Variants in SRBD1 observed in about 807,000 individuals in gnomAD.
The protein encoded by SRBD1 is S1 RNA binding domain 1.
A neutral mutation model predicts 115.3 loss-of-function variants in SRBD1; 88 were observed. The observed-to-expected ratio is 0.76, with a 90% CI of 0.64 to 0.91. The LOEUF is 0.91. Among genes scored for constraint, SRBD1 ranks in the 40% least tolerant of loss-of-function variants. SRBD1 has a pLI of 0.00. For synonymous variants in SRBD1, 509 were observed against 407.7 expected, an observed-to-expected ratio of 1.25 and a Z score of -2.99; for missense variants, 1,385 against 1,177.4, an observed-to-expected ratio of 1.18 and a Z score of -2.58.
At chr2:45,432,641 G>A (rs907528857) in intron 16 of SRBD1, among the ~76,000 whole-genome samples, 6 of 152,326 alleles carry the variant, frequency 3.9e-5, no homozygotes, top group Non-Finnish European at 8.8e-5. Context: ...AGGGCTAACA[G>A]TGCCAATAAT....
chr2:45,518,734 A>C (rs1002473720), intron 14 of SRBD1, among the ~76,000 whole-genome samples: 4 of 152,130 alleles, frequency 2.6e-5, no homozygotes, highest in African/African-American at 9.7e-5. Context: ...ACAACCTATA[A>C]ATTTTCTATA....
In SRBD1 at chr2:45,553,696, T is replaced by C. The variant is rs759367613; in HGVS notation, c.1444A>G (p.Met482Val). 7 of 1,607,998 alleles carry C rather than the reference T, an allele frequency of 4.4e-6. No homozygotes were observed. The South Asian group carries it at 6.7e-5, about 15-fold the overall frequency. Residue 482 changes from methionine to valine, a missense_variant, in exon 11 of 21, where the codon ATG (methionine) becomes GTG (valine). Physicochemically the swap from Met to Val is conservative, Grantham distance 21. Coordinates refer to ENST00000263736, the MANE Select transcript of SRBD1 (RefSeq NM_018079.5). ...RPRSFARPEL[M>V]KILYNSLNDS... The stretch of plus-strand genomic sequence containing the variant: ...TTCAGTGAATTATATAAGATCTTCA[T>C]TAACTCTGGCCTTGCAAAGCTACGT...
chr2:45,605,302 A>C, intron 2 of SRBD1, 60 bp downstream of exon 2: 1 of 1,511,784 alleles, frequency 6.6e-7, no homozygotes, highest in South Asian at 1.2e-5. Flanking sequence ...GACAGAATGC[A>C]TTACTCCTTA....
chr2:45,440,444 C>G (rs796867260), intron 16 of SRBD1, among the ~76,000 whole-genome samples: 10 of 152,120 alleles, frequency 6.6e-5, no homozygotes, highest in Non-Finnish European at 4.4e-5. Flanking sequence ...CAAACCAGTA[C>G]CTTGCACTAT....
At chr2:45,459,126 T>G (rs1290970413) in intron 16 of SRBD1, among the ~76,000 whole-genome samples, 1 of 152,084 alleles carries the variant, frequency 6.6e-6, no homozygotes, top group African/African-American at 2.4e-5. Context: ...CACTCCCACC[T>G]CCAAAATACT....
intron 19 of SRBD1, among the ~76,000 whole-genome samples, chr2:45,405,830 G>T (rs1171017019): frequency 6.6e-6 from 1 of 152,040 alleles, no homozygotes; most frequent in Non-Finnish European, 1.5e-5. Context: ...GTAAAGGACT[G>T]GGAGAAAGCA....
intron 14 of SRBD1, among the ~76,000 whole-genome samples, chr2:45,544,320 G>C (rs939143070): frequency 7.9e-5 from 12 of 151,414 alleles, no homozygotes; most frequent in African/African-American, 2.9e-4. Flanking sequence ...ACTACAAATA[G>C]CCTTAAAAAT....
At chr2:45,520,536 A>C (rs1671251050) in intron 14 of SRBD1, among the ~76,000 whole-genome samples, 1 of 152,230 alleles carries the variant, frequency 6.6e-6, no homozygotes, top group Non-Finnish European at 1.5e-5. Flanking sequence ...GGCCCTAGTG[A>C]GATACAGGCA....
chr2:45,558,365 T>G (rs1672550258), intron 10 of SRBD1, among the ~76,000 whole-genome samples: 1 of 152,194 alleles, frequency 6.6e-6, no homozygotes, highest in Non-Finnish European at 1.5e-5. Context: ...AGAGAGCAAA[T>G]GCAGAAACTT....
At chr2:45,511,583 G>T (rs892298087) in intron 14 of SRBD1, among the ~76,000 whole-genome samples, 1 of 152,168 alleles carries the variant, frequency 6.6e-6, no homozygotes, top group Admixed American at 6.5e-5. Context: ...TTTACGGTTT[G>T]GCAAAAATCA....
chr2:45,428,091 T>G (rs935101459), intron 16 of SRBD1, among the ~76,000 whole-genome samples: 3 of 152,148 alleles, frequency 2.0e-5, no homozygotes, highest in Non-Finnish European at 4.4e-5. Context: ...ATTGACCACA[T>G]AGTTGGAAGT....
At chr2:45,571,025 G>C (rs573026491) in intron 9 of SRBD1, among the ~76,000 whole-genome samples, 1 of 152,240 alleles carries the variant, frequency 6.6e-6, no homozygotes, top group African/African-American at 2.4e-5. Context: ...AGATATTTGA[G>C]GGAAAAGGGG....
chr2:45,521,292 C>CAA (rs796150157), intron 14 of SRBD1, among the ~76,000 whole-genome samples: 11 of 123,866 alleles, frequency 8.9e-5, no homozygotes, highest in African/African-American at 4.9e-4. Context: ...GGAAAACACA[C>CAA]ACACACACAC....
At chr2:45,517,820 T>A (rs934179963) in intron 14 of SRBD1, among the ~76,000 whole-genome samples, 3 of 151,858 alleles carry the variant, frequency 2.0e-5, no homozygotes, top group African/African-American at 4.8e-5. Flanking sequence ...CATAGCAAGA[T>A]CTTGTCTGTA....
At chr2:45,478,713 T>C (rs1243783548) in intron 15 of SRBD1, among the ~76,000 whole-genome samples, 1 of 152,206 alleles carries the variant, frequency 6.6e-6, no homozygotes. Context: ...CATTTAAATG[T>C]GTAATGCAAT....
At chr2:45,531,810 T>A (rs1671621111) in intron 14 of SRBD1, among the ~76,000 whole-genome samples, 1 of 151,814 alleles carries the variant, frequency 6.6e-6, no homozygotes, top group African/African-American at 2.4e-5. Context: ...TTTTCCTTTG[T>A]TCTTTCTTCA....
chr2:45,548,254 C>T (rs1000421517), intron 12 of SRBD1, among the ~76,000 whole-genome samples: 40 of 151,322 alleles, frequency 2.6e-4, no homozygotes, highest in African/African-American at 8.7e-4. Context: ...CAAAAATTAA[C>T]AGAAAAAAAT....
intron 19 of SRBD1, among the ~76,000 whole-genome samples, chr2:45,407,883 A>G (rs1204242674): frequency 6.6e-6 from 1 of 151,984 alleles, no homozygotes; most frequent in African/African-American, 2.4e-5. Flanking sequence ...AAAAAATTAT[A>G]TAAATAATAA....
intron 9 of SRBD1, among the ~76,000 whole-genome samples, chr2:45,564,077 TAAG>T (rs1324802291): frequency 2.0e-5 from 3 of 152,022 alleles, no homozygotes; most frequent in Admixed American, 6.5e-5. Flanking sequence ...CAGAAATATA[TAAG>T]AAGGATTATA....
Sources: allele counts gnomAD v4.1 joint callset (sites outside exome capture counted in the v4.1 genomes callset), GRCh38; gene constraint gnomAD v4.1.1; transcripts MANE v1.5; gene names NCBI Gene and HGNC (gene_info 2026-07-23, HGNC 2026-07-21).